Variants in DOCK3 observed in about 807,000 individuals in gnomAD.
DOCK3 encodes the protein dedicator of cytokinesis protein 3.
Under a neutral mutation model 265.6 loss-of-function variants are expected in DOCK3, and 60 were observed. That is an observed-to-expected ratio of 0.23 (90% CI 0.18 to 0.28). The LOEUF is 0.28. Among genes scored for constraint, DOCK3 ranks in the 10% least tolerant of loss-of-function variants. DOCK3 has a pLI of 1.00. For synonymous variants in DOCK3, 881 were observed against 938.0 expected (o/e 0.94, Z 1.11); for missense variants, 1,981 against 2,594.3 (o/e 0.76, Z 5.14).
chr3:51,092,824 G>T (rs201891758), intron 9 of DOCK3, among the ~76,000 whole-genome samples: 1 of 151,794 alleles, frequency 6.6e-6, no homozygotes, highest in East Asian at 1.9e-4. Flanking sequence ...AGAACAGGCA[G>T]CAATTTAATC....
intron 9 of DOCK3, among the ~76,000 whole-genome samples, chr3:51,124,447 G>A (rs114247865): frequency 0.029 from 4,436 of 152,150 alleles, 95 homozygotes; most frequent in Middle Eastern, 0.099. Flanking sequence ...TGTGGCTAGT[G>A]GCTACCTGTT....
chr3:51,317,884 T>C (rs902497002), intron 32 of DOCK3, among the ~76,000 whole-genome samples: 2 of 152,194 alleles, frequency 1.3e-5, no homozygotes, highest in South Asian at 4.1e-4. Context: ...CTTTCATCAA[T>C]ACCACGCTAT....
intron 4 of DOCK3, among the ~76,000 whole-genome samples, chr3:50,909,406 G>T (rs1252991009): frequency 6.6e-6 from 1 of 152,040 alleles, no homozygotes; most frequent in Admixed American, 6.6e-5. Flanking sequence ...TGCAAGGCAG[G>T]CGTGTTGATG....
At chr3:51,205,003 C>T (rs2089088602) in intron 12 of DOCK3, among the ~76,000 whole-genome samples, 1 of 147,726 alleles carries the variant, frequency 6.8e-6, no homozygotes, top group African/African-American at 2.5e-5. Flanking sequence ...ACATCACACT[C>T]TGGGGACTGT....
intron 5 of DOCK3, among the ~76,000 whole-genome samples, chr3:51,013,848 A>G (rs1336830228): frequency 6.6e-6 from 1 of 152,100 alleles, no homozygotes; most frequent in African/African-American, 2.4e-5. Flanking sequence ...CTTCCTGGCC[A>G]CTTTGTTTAC....
At chr3:51,315,842 A>G (rs2083331553) in intron 32 of DOCK3, among the ~76,000 whole-genome samples, 1 of 152,004 alleles carries the variant, frequency 6.6e-6, no homozygotes, top group South Asian at 2.1e-4. Flanking sequence ...CTCCCAGGAA[A>G]CCTCTAGGGG....
chr3:51,028,897 A>G (rs907608292), intron 5 of DOCK3, among the ~76,000 whole-genome samples: 2 of 152,102 alleles, frequency 1.3e-5, no homozygotes, highest in African/African-American at 4.8e-5. Context: ...TCTTAATTCT[A>G]TATTGTCATT....
rs1294144318 is a variant in DOCK3 at position 51,177,756 on chromosome 3, C to T, written c.1037+17054C>T. On this transcript the variant is annotated intron_variant, in intron 12 of 52. Transcript: ENST00000266037. ...CTGTAATCCCAGAACTTTGGGAGGC[C>T]GAGACAGGCAGATGATCTGAGGTCA... Among the ~76,000 whole-genome samples, 4 of 152,138 alleles carry T rather than the reference C, an allele frequency of 2.6e-5. No individual in the cohort carries two copies. The East Asian group carries it at 5.8e-4, about 22-fold the overall frequency.
chr3:51,251,445 C>CT (rs562915373), intron 22 of DOCK3, among the ~76,000 whole-genome samples: 19 of 152,368 alleles, frequency 1.2e-4, no homozygotes, highest in Admixed American at 3.3e-4. Context: ...AATCACCACA[C>CT]TGTCTTTTCC....
At chr3:51,329,397 A>G (rs1036041514) in intron 32 of DOCK3, among the ~76,000 whole-genome samples, 1 of 152,160 alleles carries the variant, frequency 6.6e-6, no homozygotes, top group African/African-American at 2.4e-5. Flanking sequence ...AATCAAACAA[A>G]CAATCAAGCA....
At chr3:50,916,537 G>A (rs2050135479) in intron 4 of DOCK3, among the ~76,000 whole-genome samples, 1 of 152,080 alleles carries the variant, frequency 6.6e-6, no homozygotes, top group South Asian at 2.1e-4. Flanking sequence ...AGTTGTCTTG[G>A]CCAGGCACGG....
At chr3:50,826,602 A>G (rs989444124) in intron 2 of DOCK3, among the ~76,000 whole-genome samples, 2 of 152,230 alleles carry the variant, frequency 1.3e-5, no homozygotes, top group Non-Finnish European at 2.9e-5. Context: ...CCAAAATGAA[A>G]AATCACTTTG....
chr3:50,878,206 C>T (rs1479107890), intron 3 of DOCK3, among the ~76,000 whole-genome samples: 1 of 152,042 alleles, frequency 6.6e-6, no homozygotes, highest in African/African-American at 2.4e-5. Context: ...TTCTAAAAAT[C>T]AGAGCGTCTC....
intron 49 of DOCK3, 136 bp downstream of exon 49, chr3:51,362,810 A>G: frequency 1.5e-6 from 2 of 1,323,862 alleles, no homozygotes; most frequent in Non-Finnish European, 2.0e-6. Flanking sequence ...TTTTACCACT[A>G]AGGACTCGAG....
chr3:50,977,183 A>G (rs1241984766), intron 5 of DOCK3, among the ~76,000 whole-genome samples: 1 of 150,674 alleles, frequency 6.6e-6, no homozygotes, highest in African/African-American at 2.4e-5. Flanking sequence ...TGATCCTGTA[A>G]TGATGATGTT....
intron 5 of DOCK3, among the ~76,000 whole-genome samples, chr3:50,970,934 TATATATATATATAATGTG>T (rs2077202151): frequency 1.3e-5 from 1 of 76,322 alleles, no homozygotes; most frequent in African/African-American, 5.5e-5. Context: ...TATATATATA[TATATATATATATAATGTG>T]TGTGTGTGTG....
chr3:50,832,362 G>A (rs1299117831), intron 2 of DOCK3, among the ~76,000 whole-genome samples: 1 of 152,146 alleles, frequency 6.6e-6, no homozygotes, highest in Non-Finnish European at 1.5e-5. Flanking sequence ...ATTGACAAAT[G>A]GGATCTAATT....
intron 37 of DOCK3, among the ~76,000 whole-genome samples, chr3:51,340,387 C>G (rs1049215923): frequency 6.6e-6 from 1 of 152,210 alleles, no homozygotes; most frequent in Non-Finnish European, 1.5e-5. Context: ...CGTGTACATT[C>G]CTTGGCAGGA....
chr3:51,227,294 C>G lies in DOCK3; in HGVS notation c.1389C>G (p.Ser463Arg). ...TTTCTTTCTTCCAGGATTGCATCAG[C>G]TTGGGTTCAGGAGAGCCAAATAGGA... ...ADGEILKDCI[S>R]LGSGEPNRSS... is the part of the protein sequence containing the mutation. Residue 463 changes from serine (S) to arginine (R), a missense_variant, in exon 16 of 53, where the codon AGC (serine) becomes AGG (arginine). Around this residue, in one of 4 missense-constraint regions of DOCK3, gnomAD observed 1,357 missense variants for 1,866.8 expected, o/e 0.73. Coordinates refer to ENST00000266037, the MANE Select transcript of DOCK3 (RefSeq NM_004947.5). 1 of 1,613,560 alleles carries G rather than the reference C, an allele frequency of 6.2e-7. No individual in the cohort carries two copies. The highest frequency in any genetic ancestry group is 8.5e-7 in the Non-Finnish European group (1 of 1,179,736).
Sources: gnomAD v4.1 joint callset for allele counts (sites outside exome capture counted in the v4.1 genomes callset) on GRCh38, gnomAD v4.1.1 for gene constraint, gnomAD v4.1.1 regional missense constraint, MANE v1.5 for transcripts, NCBI Gene and HGNC (gene_info 2026-07-23, HGNC 2026-07-21) for gene names.